PRKCE: variants seen among roughly 807,000 people sequenced by gnomAD.
PRKCE encodes protein kinase C epsilon type.
PRKCE carries 16 observed loss-of-function variants against 85.4 expected under a neutral mutation model. That is an observed-to-expected ratio of 0.19 (90% CI 0.13 to 0.28). The LOEUF (loss-of-function observed/expected upper bound fraction) is 0.28. Ranked by LOEUF, PRKCE falls within the 10% of genes least tolerant of loss-of-function variation. The probability of loss-of-function intolerance (pLI) is 1.00; values close to 1 mark genes in which losing one functional copy is unlikely to be tolerated. For synonymous variants in PRKCE, 388 were observed against 371.5 expected, an observed-to-expected ratio of 1.04 and a Z score of -0.51; for missense variants, 573 against 975.2, an observed-to-expected ratio of 0.59 and a Z score of 5.49.
intron 10 of PRKCE, among the ~76,000 whole-genome samples, chr2:46,077,475 C>T (rs908021900): frequency 6.6e-6 from 1 of 152,034 alleles, no homozygotes; most frequent in Non-Finnish European, 1.5e-5. Flanking sequence ...TTATATATTC[C>T]ATCTTACAAC....
Position 46,184,268 on chromosome 2 carries a change from A to T in PRKCE, c.2068-467A>T, listed in dbSNP as rs990458961. 1.6e-4 allele frequency among the ~76,000 whole-genome samples: 24 copies of T among 152,160 alleles called. No individual in the cohort carries two copies. The highest frequency in any genetic ancestry group is 2.9e-4 in the Non-Finnish European group (20 of 67,992). ...AAATCGAGGCAGGCTTGTGGAGAGG[A>T]TGTCACCTGGAGCAGATGTGGCCGG... On this transcript the variant is annotated intron_variant, in intron 14 of 14. Coordinates refer to ENST00000306156, the MANE Select transcript of PRKCE (RefSeq NM_005400.3). This position sits in a 1 kb window ranked among gnomAD's most constrained non-coding sequence, Gnocchi z 5.0.
chr2:45,919,230 C>A (rs1221271614), intron 2 of PRKCE, among the ~76,000 whole-genome samples: 1 of 152,178 alleles, frequency 6.6e-6, no homozygotes, highest in Non-Finnish European at 1.5e-5. Context: ...GTACGGACAA[C>A]CTGTCAAGGG....
intron 1 of PRKCE, among the ~76,000 whole-genome samples, chr2:45,690,920 T>C (rs1483948294): frequency 6.6e-6 from 1 of 152,224 alleles, no homozygotes; most frequent in African/African-American, 2.4e-5. Context: ...GCACATACCT[T>C]AGGGTGCCAG....
chr2:45,710,322 C>T (rs565969682), intron 1 of PRKCE, among the ~76,000 whole-genome samples: 2 of 152,330 alleles, frequency 1.3e-5, no homozygotes, highest in African/African-American at 2.4e-5. Context: ...GGGATTTGAA[C>T]CCAAATAGTC....
intron 1 of PRKCE, among the ~76,000 whole-genome samples, chr2:45,748,988 C>A (rs915997936): frequency 7.3e-5 from 11 of 151,002 alleles, no homozygotes; most frequent in Admixed American, 6.6e-4. Flanking sequence ...CTCTTGGGTT[C>A]AAGCAATTCT....
At chr2:46,027,857 T>TC (rs1171355822) in intron 10 of PRKCE, among the ~76,000 whole-genome samples, 1 of 152,132 alleles carries the variant, frequency 6.6e-6, no homozygotes, top group African/African-American at 2.4e-5. Flanking sequence ...AAGATGGGGC[T>TC]CAAGACCAGG....
At chr2:45,997,707 T>G (rs1704334141) in intron 6 of PRKCE, among the ~76,000 whole-genome samples, 1 of 151,868 alleles carries the variant, frequency 6.6e-6, no homozygotes, top group South Asian at 2.1e-4. Context: ...CCACCACACC[T>G]GGCTAATTTT....
intron 4 of PRKCE, among the ~76,000 whole-genome samples, chr2:45,979,221 T>C (rs765542901): frequency 6.6e-6 from 1 of 152,214 alleles, no homozygotes; most frequent in Non-Finnish European, 1.5e-5. Flanking sequence ...GGCGTCCTTG[T>C]GATCTCAGCA....
At chr2:45,793,501 G>A (rs1687188535) in intron 1 of PRKCE, among the ~76,000 whole-genome samples, 1 of 152,196 alleles carries the variant, frequency 6.6e-6, no homozygotes, top group African/African-American at 2.4e-5. Context: ...GAAGATTACT[G>A]ATGAATCCAA....
intron 2 of PRKCE, among the ~76,000 whole-genome samples, chr2:45,900,954 G>A (rs976776841): frequency 6.6e-6 from 1 of 152,200 alleles, no homozygotes; most frequent in Non-Finnish European, 1.5e-5. Context: ...AGGCAATACA[G>A]GTACTGTAAG....
At chr2:45,768,068 G>T (rs1685048356) in intron 1 of PRKCE, among the ~76,000 whole-genome samples, 1 of 152,188 alleles carries the variant, frequency 6.6e-6, no homozygotes, top group Non-Finnish European at 1.5e-5. Flanking sequence ...GTTGGCCAGG[G>T]TTCATGAGTG....
intron 1 of PRKCE, among the ~76,000 whole-genome samples, chr2:45,663,591 G>C (rs960142449): frequency 3.8e-4 from 58 of 152,146 alleles, no homozygotes; most frequent in African/African-American, 1.4e-3. Context: ...AGACCATCCT[G>C]GCTAACACAG....
rs144145681 is a variant in PRKCE at position 45,651,923 on chromosome 2, A to G, written c.-178A>G. The G allele has an allele frequency of 5.4e-4, 295 of 544,240 alleles. 1 individual carries two copies. The Middle Eastern group carries it at 8.3e-3, about 15-fold the overall frequency. The allele number at this position is 544,240 out of a possible 1,614,324, so 33.7% of individuals were successfully genotyped here. A position where few individuals can be genotyped will look rare whatever the true frequency, so the allele number is the denominator to read the frequency against. On this transcript the variant is annotated 5_prime_UTR_variant, in exon 1 of 15. An upstream start codon of the reference 5' UTR is lost. Coordinates refer to ENST00000306156, the MANE Select transcript of PRKCE (RefSeq NM_005400.3). Reference sequence around the variant, plus strand: ...CGTTAGGAACCCGGCGAGGAAATACATGCACTGGCTGAGAATCGCCCGCGC... The same window carrying G: ...CGTTAGGAACCCGGCGAGGAAATACGTGCACTGGCTGAGAATCGCCCGCGC...
At chr2:46,067,769 C>A (rs1281712656) in intron 10 of PRKCE, among the ~76,000 whole-genome samples, 1 of 152,124 alleles carries the variant, frequency 6.6e-6, no homozygotes, top group African/African-American at 2.4e-5. Flanking sequence ...GAGGGCTTGC[C>A]CATCCTTATC....
intron 14 of PRKCE, among the ~76,000 whole-genome samples, chr2:46,178,752 T>G (rs1679683436): frequency 6.6e-6 from 1 of 152,188 alleles, no homozygotes; most frequent in Admixed American, 6.5e-5. Context: ...TTATAGTGAC[T>G]AAAATTATTT....
chr2:45,714,243 G>T lies in PRKCE; in HGVS notation c.348+61795G>T, dbSNP rs9967669. Among the ~76,000 whole-genome samples, 1,147 of 152,284 alleles carry T rather than the reference G, an allele frequency of 7.5e-3. 20 individuals are homozygous for T. Among genetic ancestry groups the T allele is most frequent in the African/African-American group, 0.026 (1,079 of 41,558 alleles). On this transcript the variant is annotated intron_variant, in intron 1 of 14. Coordinates refer to ENST00000306156, the MANE Select transcript of PRKCE (RefSeq NM_005400.3). ...CAATACATAAGAACACATAGAAAGGGTACTCTGAAGAGAGACACAGAGCTA... is the reference window on the plus strand; with the variant it reads ...CAATACATAAGAACACATAGAAAGGTTACTCTGAAGAGAGACACAGAGCTA...
chr2:45,771,154 A>G (rs373891105), intron 1 of PRKCE, among the ~76,000 whole-genome samples: 63 of 152,300 alleles, frequency 4.1e-4, no homozygotes, highest in African/African-American at 1.5e-3. Context: ...GGGTCAATGC[A>G]GACCACTCCT....
intron 1 of PRKCE, among the ~76,000 whole-genome samples, chr2:45,738,026 A>G (rs1357736541): frequency 6.6e-6 from 1 of 151,818 alleles, no homozygotes; most frequent in Non-Finnish European, 1.5e-5. Flanking sequence ...ACAGCCTCCT[A>G]TGCCAGCGTC....
intron 1 of PRKCE, among the ~76,000 whole-genome samples, chr2:45,737,862 C>G (rs897597748): frequency 2.0e-5 from 3 of 152,124 alleles, no homozygotes; most frequent in African/African-American, 7.2e-5. Flanking sequence ...GACATCGCCC[C>G]AAGTTCAACA....
Sources: allele counts gnomAD v4.1 joint callset (sites outside exome capture counted in the v4.1 genomes callset), GRCh38; gene constraint gnomAD v4.1.1; non-coding constraint Gnocchi (gnomAD v3.1); transcripts MANE v1.5; gene names NCBI Gene and HGNC (gene_info 2026-07-23, HGNC 2026-07-21).